TMEM30A: variants seen among roughly 807,000 people sequenced by gnomAD.
The protein encoded by TMEM30A is cell division cycle 50 P4-ATPase accessory subunit A.
In TMEM30A, 24 loss-of-function variants were observed where a neutral mutation model predicts 38.2. That is an observed-to-expected ratio of 0.63 (90% CI 0.46 to 0.88). The LOEUF is 0.88. Among genes scored for constraint, TMEM30A ranks in the 40% least tolerant of loss-of-function variants. The probability of loss-of-function intolerance (pLI) is 0.00; values close to 1 mark genes in which losing one functional copy is unlikely to be tolerated. For synonymous variants in TMEM30A, 145 were observed against 161.6 expected (o/e 0.90, Z 0.78); for missense variants, 370 against 458.6 (o/e 0.81, Z 1.77).
rs2149517052 is a variant in TMEM30A, at chr6:75,254,457, A to G, written c.*1645T>C. On this transcript the variant is annotated 3_prime_UTR_variant, in exon 7 of 7. Transcript: ENST00000230461. ...TACTCCGAAATTTCAGGATAACCAT[A>G]CATCAAGTACTTCGTGCAAGTAATA... 1 of 152,260 alleles carries G rather than the reference A, an allele frequency of 6.6e-6. No homozygotes were observed. The highest frequency in any genetic ancestry group is 2.1e-4 in the South Asian group (1 of 4,826). The allele number at this position is 152,260 out of a possible 1,614,324, so 9.4% of individuals were successfully genotyped here. A position where few individuals can be genotyped will look rare whatever the true frequency, so the allele number is the denominator to read the frequency against.
chr6:75,275,879 AC>A (rs1388716376), intron 1 of TMEM30A, among the ~76,000 whole-genome samples: 7 of 152,178 alleles, frequency 4.6e-5, no homozygotes, highest in African/African-American at 1.7e-4. Context: ...TGCTAATGAT[AC>A]AATTGGTGGT....
chr6:75,258,275 T>C (rs1193384839), intron 6 of TMEM30A, among the ~76,000 whole-genome samples: 1 of 152,218 alleles, frequency 6.6e-6, no homozygotes, highest in Admixed American at 6.5e-5. Context: ...TAAATGTATT[T>C]ATCAGCACTG....
chr6:75,280,747 A>G (rs1000920008), intron 1 of TMEM30A, among the ~76,000 whole-genome samples: 5 of 152,166 alleles, frequency 3.3e-5, no homozygotes, highest in African/African-American at 1.2e-4. Flanking sequence ...TAAGTAACTA[A>G]AATCAACTTG....
At chr6:75,280,407 T>C (rs572317947) in intron 1 of TMEM30A, among the ~76,000 whole-genome samples, 38 of 152,268 alleles carry the variant, frequency 2.5e-4, no homozygotes, top group African/African-American at 8.7e-4. Flanking sequence ...TAGGTTCTTA[T>C]GTAACAAGAG....
At chr6:75,265,118 A>G in intron 3 of TMEM30A, 113 bp downstream of exon 3, 1 of 674,742 alleles carries the variant, frequency 1.5e-6, no homozygotes, top group Non-Finnish European at 2.3e-6. Context: ...AATCCTCACT[A>G]TACAAACTAT....
At position 75,254,559 on chromosome 6, in the gene TMEM30A, T is replaced by C. The variant is rs1017051905; in HGVS notation, c.*1543A>G. On this transcript the variant is annotated 3_prime_UTR_variant, in exon 7 of 7. Transcript: ENST00000230461. Reference sequence around the variant, plus strand: ...CATATGTTATATAAAACTTGAAAAGTGTGGCACATTTCTACTATTAACCAT... The same window carrying C: ...CATATGTTATATAAAACTTGAAAAGCGTGGCACATTTCTACTATTAACCAT... 1 of 152,140 alleles carries C rather than the reference T, an allele frequency of 6.6e-6. No individual in the cohort carries two copies. The highest frequency in any genetic ancestry group is 2.4e-5 in the African/African-American group (1 of 41,448). 9.4% of individuals were successfully genotyped at this position (152,140 alleles called of 1,614,324 possible). A position where few individuals can be genotyped will look rare whatever the true frequency, so the allele number is the denominator to read the frequency against.
Position 75,259,712 on chromosome 6 carries a change from C to T in TMEM30A, c.542-222G>A, listed in dbSNP as rs58046294. 7.8e-3 allele frequency among the ~76,000 whole-genome samples: 1,192 copies of T among 152,316 alleles called. 15 individuals are homozygous for T. The highest frequency in any genetic ancestry group is 0.027 in the African/African-American group (1,140 of 41,558). ...CTTTAACAGAGTTCTAATTCAGTTA[C>T]CCATAGGCTAGCTGACATGCAGTAA... On this transcript the variant is annotated intron_variant, in intron 4 of 6. Coordinates refer to ENST00000230461, the MANE Select transcript of TMEM30A (RefSeq NM_018247.4).
intron 6 of TMEM30A, among the ~76,000 whole-genome samples, chr6:75,257,527 C>CTA (rs1771885630): frequency 6.6e-6 from 1 of 152,156 alleles, no homozygotes; most frequent in South Asian, 2.1e-4. Context: ...CCCTTACTCT[C>CTA]TAGAGATTTT....
Position 75,256,301 on chromosome 6 carries a change from G to C in TMEM30A, c.893-6C>G, listed in dbSNP as rs755427052. 42 of 1,582,122 alleles carry C rather than the reference G, an allele frequency of 2.7e-5. No individual in the cohort carries two copies. Among genetic ancestry groups the C allele is most frequent in the Non-Finnish European group, 3.6e-5 (42 of 1,162,608 alleles). ...AAAATAATGTACAGGGTAATCTGAA[G>C]AGGGTATAGGAAGATTTTTCCATCT... On this transcript the variant is annotated splice_region_variant and splice_polypyrimidine_tract_variant and intron_variant, in intron 6 of 6. Coordinates refer to ENST00000230461, the MANE Select transcript of TMEM30A (RefSeq NM_018247.4).
rs993612971 is a variant in TMEM30A at position 75,260,718 on chromosome 6, G to A, written c.541+106C>T. ...TTCAATACTCGATTTAGTCTTAAAT[G>A]TTTGAGTTTCTCAATTTCATTCATG... is the stretch of plus-strand genomic sequence containing the variant. On this transcript the variant is annotated intron_variant, in intron 4 of 6. Transcript: ENST00000230461. The A allele has an allele frequency of 6.5e-6, 4 of 611,502 alleles. No individual in the cohort carries two copies. The African/African-American group carries it at 7.6e-5, about 12-fold the overall frequency. The allele number at this position is 611,502 out of a possible 1,614,324, so 37.9% of individuals were successfully genotyped here.
Position 75,265,339 on chromosome 6 carries a change from C to A in TMEM30A, c.346-1G>T. Reference sequence around the variant, plus strand: ...GTCCATAATACATAAACACGTTGCCCTAGAGAAACAGAGAGGGAAAAAATT... The same window carrying A: ...GTCCATAATACATAAACACGTTGCCATAGAGAAACAGAGAGGGAAAAAATT... On this transcript the variant is annotated splice_acceptor_variant, in intron 2 of 6. Coordinates refer to ENST00000230461, the MANE Select transcript of TMEM30A (RefSeq NM_018247.4). LOFTEE classifies it high-confidence loss of function. 2 of 1,572,550 alleles carry A rather than the reference C, an allele frequency of 1.3e-6. No homozygotes were observed. Among genetic ancestry groups the A allele is most frequent in the South Asian group, 1.2e-5 (1 of 85,052 alleles).
At chr6:75,263,050 T>C (rs1394848001) in intron 3 of TMEM30A, among the ~76,000 whole-genome samples, 1 of 152,106 alleles carries the variant, frequency 6.6e-6, no homozygotes, top group African/African-American at 2.4e-5. Context: ...GAGTATTTAA[T>C]GGAAAAAGGA....
At chr6:75,267,975 T>C (rs1445351031) in intron 1 of TMEM30A, among the ~76,000 whole-genome samples, 2 of 152,174 alleles carry the variant, frequency 1.3e-5, no homozygotes, top group Non-Finnish European at 2.9e-5. Flanking sequence ...CTCTCTTCTT[T>C]TTATCAAAGA....
chr6:75,270,291 T>C (rs566376180), intron 1 of TMEM30A, among the ~76,000 whole-genome samples: 40 of 152,198 alleles, frequency 2.6e-4, no homozygotes, highest in Admixed American at 2.5e-3. Flanking sequence ...AATTCTCTAT[T>C]GATATATGAT....
At chr6:75,275,433 C>T (rs1252016591) in intron 1 of TMEM30A, among the ~76,000 whole-genome samples, 2 of 152,176 alleles carry the variant, frequency 1.3e-5, no homozygotes, top group Non-Finnish European at 2.9e-5. Context: ...CTCATCCTAA[C>T]AAGTCAAATA....
intron 6 of TMEM30A, among the ~76,000 whole-genome samples, chr6:75,257,289 A>G (rs1227796982): frequency 6.6e-6 from 1 of 152,050 alleles, no homozygotes; most frequent in Non-Finnish European, 1.5e-5. Context: ...TTTAGTTCCC[A>G]CCTTATGCCC....
rs74328863 is a variant in TMEM30A at position 75,273,484 on chromosome 6, T to TAAA, written c.238-5739_238-5737dup. On this transcript the variant is annotated intron_variant, in intron 1 of 6. Transcript: ENST00000230461. Reference sequence around the variant, plus strand: ...ATTAAAATAGAATGGATATTTTTATTAAAAAAAAAAAAAAAGTATAGGTGG... The same window carrying TAAA: ...ATTAAAATAGAATGGATATTTTTATTAAAAAAAAAAAAAAAAAAGTATAGGTGG... Among the ~76,000 whole-genome samples the TAAA allele has an allele frequency of 4.3e-4, 60 of 140,070 alleles. 1 individual carries two copies. Among genetic ancestry groups the TAAA allele is most frequent in the South Asian group, 9.0e-4 (4 of 4,428 alleles). The allele number at this position is 140,070 out of a possible 152,430, so 91.9% of individuals were successfully genotyped here.
chr6:75,266,485 T>G (rs1042902896), intron 2 of TMEM30A, among the ~76,000 whole-genome samples: 2 of 152,216 alleles, frequency 1.3e-5, no homozygotes, highest in Non-Finnish European at 2.9e-5. Context: ...ATTATTTGAA[T>G]GAACACTGAG....
intron 6 of TMEM30A, 139 bp downstream of exon 6, chr6:75,258,641 C>G: frequency 1.5e-6 from 1 of 677,638 alleles, no homozygotes; most frequent in South Asian, 1.9e-5. Context: ...AATACATTCT[C>G]ACATATACCA....
Sources: allele counts gnomAD v4.1 joint callset (sites outside exome capture counted in the v4.1 genomes callset), GRCh38; gene constraint gnomAD v4.1.1; transcripts MANE v1.5; gene names NCBI Gene and HGNC (gene_info 2026-07-23, HGNC 2026-07-21).